HDAC9: variants seen among roughly 807,000 people sequenced by gnomAD.
HDAC9 encodes MEF-2 interacting transcription repressor (MITR) protein.
In HDAC9, 41 loss-of-function variants were observed where a neutral mutation model predicts 139.4. The ratio of observed to expected loss-of-function variants is 0.29; its 90% CI spans 0.23 to 0.38. The LOEUF (loss-of-function observed/expected upper bound fraction) is 0.38, where lower values mean the gene tolerates loss of function less well. Ranked by LOEUF, HDAC9 falls within the 10% of genes least tolerant of loss-of-function variation. The pLI, the probability that HDAC9 is intolerant of heterozygous loss-of-function variation, is 1.00. For missense variants in HDAC9, 1,147 were observed against 1,297.0 expected, an observed-to-expected ratio of 0.88 and a Z score of 1.78; for synonymous variants, 517 against 476.2, an observed-to-expected ratio of 1.09 and a Z score of -1.12.
intron 1 of HDAC9, among the ~76,000 whole-genome samples, chr7:18,375,255 A>G (rs576052855): frequency 6.6e-6 from 1 of 152,288 alleles, no homozygotes; most frequent in South Asian, 2.1e-4. Context: ...GGATTACCTC[A>G]GTTCAGGAGT....
intron 23 of HDAC9, among the ~76,000 whole-genome samples, chr7:18,938,808 T>G (rs1431004668): frequency 6.6e-6 from 1 of 152,150 alleles, no homozygotes; most frequent in African/African-American, 2.4e-5. Flanking sequence ...GTCAAAGCCT[T>G]GGGCCTAAGA....
intron 2 of HDAC9, chr7:18,578,189 A>G (rs1309740197): frequency 1.9e-6 from 1 of 518,850 alleles, no homozygotes; most frequent in Non-Finnish European, 3.8e-6. Flanking sequence ...CCACAAACTG[A>G]GGGAAAATGT....
intron 1 of HDAC9, among the ~76,000 whole-genome samples, chr7:18,102,092 C>A (rs1471935570): frequency 6.6e-6 from 1 of 152,118 alleles, no homozygotes; most frequent in African/African-American, 2.4e-5. Flanking sequence ...AATCCTCTCT[C>A]ATATTTGAAT....
At chr7:18,470,187 C>A (rs1794617347) in intron 1 of HDAC9, among the ~76,000 whole-genome samples, 2 of 151,964 alleles carry the variant, frequency 1.3e-5, no homozygotes, top group Admixed American at 6.6e-5. Flanking sequence ...GTGGTGCATG[C>A]CTGTAGTTCT....
intron 1 of HDAC9, among the ~76,000 whole-genome samples, chr7:18,091,909 A>G (rs959938721): frequency 4.6e-5 from 7 of 152,240 alleles, no homozygotes; most frequent in African/African-American, 1.7e-4. Context: ...TCTCATAGGT[A>G]CTGTTACAAC....
chr7:18,528,658 T>C (rs1807751981), intron 2 of HDAC9, among the ~76,000 whole-genome samples: 1 of 152,116 alleles, frequency 6.6e-6, no homozygotes, highest in African/African-American at 2.4e-5. Context: ...AGTGATAAAA[T>C]TTTACCAATT....
intron 1 of HDAC9, among the ~76,000 whole-genome samples, chr7:18,307,792 G>C (rs1219217632): frequency 6.6e-6 from 1 of 152,108 alleles, no homozygotes; most frequent in Non-Finnish European, 1.5e-5. Flanking sequence ...GACAGAGTGA[G>C]ACTCTGTCCC....
chr7:18,757,831 A>G (rs1789018952), intron 14 of HDAC9, among the ~76,000 whole-genome samples: 1 of 152,132 alleles, frequency 6.6e-6, no homozygotes, highest in Non-Finnish European at 1.5e-5. Flanking sequence ...TATAATCGGG[A>G]TGCATTAACG....
rs749698557 is a variant in HDAC9, at chr7:18,648,474, C to A, written c.1258C>A (p.Pro420Thr). The change falls in exon 11 of 26, where the codon CCC becomes ACC. Residue 420 changes from proline to threonine, a missense_variant. By Grantham distance (38) the Pro-to-Thr change is conservative. Coordinates refer to ENST00000686413, the MANE Select transcript of HDAC9 (RefSeq NM_178425.4). ...QQKLLVAGGVPLHPQSPLATK... is the reference protein window; with the variant it reads ...QQKLLVAGGVTLHPQSPLATK... ...TGTATTTTTTTTTTCAGGTGGAGTT[C>A]CCTTACATCCTCAGTCTCCCTTGGC... is the stretch of plus-strand genomic sequence containing the variant. The A allele has an allele frequency of 4.3e-6, 7 of 1,611,394 alleles. No individual in the cohort carries two copies. Among genetic ancestry groups the A allele is most frequent in the Non-Finnish European group, 5.9e-6 (7 of 1,178,996 alleles).
At chr7:18,201,002 G>A (rs1290550280) in intron 2 of HDAC9, among the ~76,000 whole-genome samples, 2 of 152,178 alleles carry the variant, frequency 1.3e-5, no homozygotes, top group Non-Finnish European at 2.9e-5. Context: ...GCCTGTAGGT[G>A]CCCTAGAAAT....
Position 18,985,596 on chromosome 7 carries a change from G to A in HDAC9, c.3170+9643G>A, listed in dbSNP as rs549931736. Reference sequence around the variant, plus strand: ...TTGGGTATATACCCAGTAATGGGATGGCTGGGTCAAATGGTATTTCTAGTT... The same window carrying A: ...TTGGGTATATACCCAGTAATGGGATAGCTGGGTCAAATGGTATTTCTAGTT... On this transcript the variant is annotated intron_variant, in intron 25 of 25. Transcript: ENST00000686413. Among the ~76,000 whole-genome samples the A allele has an allele frequency of 1.7e-3, 252 of 149,398 alleles. 3 individuals are homozygous for A. Among genetic ancestry groups the A allele is most frequent in the African/African-American group, 6.0e-3 (242 of 40,334 alleles).
At chr7:18,581,923 A>G (rs1343794599) in intron 2 of HDAC9, among the ~76,000 whole-genome samples, 1 of 152,202 alleles carries the variant, frequency 6.6e-6, no homozygotes, top group Non-Finnish European at 1.5e-5. Flanking sequence ...TCATTTATAA[A>G]TTATTTTCCC....
chr7:18,233,980 A>C (rs111742650), intron 2 of HDAC9, among the ~76,000 whole-genome samples: 33 of 152,160 alleles, frequency 2.2e-4, no homozygotes, highest in African/African-American at 8.0e-4. Context: ...TTACATTCAT[A>C]GTTTCATAAT....
Position 18,204,027 on chromosome 7 carries a change from G to A in HDAC9, c.25+41678G>A, listed in dbSNP as rs529263283. ...ACATGGTGAATGTAAACAAACAAAA[G>A]CTGATTGTAACCATCTTGCTTTTCC... On this transcript the variant is annotated intron_variant, in intron 2 of 12. Transcript: ENST00000417496. 8.5e-5 allele frequency among the ~76,000 whole-genome samples: 13 copies of A among 152,244 alleles called. No homozygotes were observed. The South Asian group carries it at 2.7e-3, about 32-fold the overall frequency.
intron 24 of HDAC9, among the ~76,000 whole-genome samples, chr7:18,968,499 T>G (rs1266772357): frequency 1.3e-5 from 2 of 152,104 alleles, no homozygotes; most frequent in Non-Finnish European, 2.9e-5. Context: ...TATGGAACAC[T>G]GTCTTTCTTT....
chr7:18,458,882 C>T, intron 1 of HDAC9: 1 of 1,534,574 alleles, frequency 6.5e-7, no homozygotes, highest in Non-Finnish European at 8.7e-7. Flanking sequence ...TATTCTGTGG[C>T]TGCTGTAGGA....
chr7:18,307,098 TGTG>T (rs1389489052), intron 1 of HDAC9, among the ~76,000 whole-genome samples: 6 of 6,168 alleles, frequency 9.7e-4, no homozygotes, highest in African/African-American at 5.3e-3. Flanking sequence ...GGGCAGTTCT[TGTG>T]TGTGTGTGTG....
chr7:18,773,012 T>C (rs1215753882), intron 16 of HDAC9, among the ~76,000 whole-genome samples: 13 of 152,104 alleles, frequency 8.5e-5, no homozygotes, highest in Admixed American at 7.2e-4. Context: ...CATTACTCTG[T>C]GTATGGGACA....
intron 21 of HDAC9, among the ~76,000 whole-genome samples, chr7:18,846,440 A>G (rs1796909986): frequency 6.6e-6 from 1 of 152,216 alleles, no homozygotes; most frequent in African/African-American, 2.4e-5. Context: ...TCTAGATCTT[A>G]TGTAGACATT....
Sources: gnomAD v4.1 joint callset for allele counts (sites outside exome capture counted in the v4.1 genomes callset) on GRCh38, gnomAD v4.1.1 for gene constraint, MANE v1.5 for transcripts, NCBI Gene and HGNC (gene_info 2026-07-23, HGNC 2026-07-21) for gene names.